LMO1: variants seen among roughly 807,000 people sequenced by gnomAD.
LMO1 encodes rhombotin-1.
Under a neutral mutation model 18.0 loss-of-function variants are expected in LMO1, and 10 were observed. That is an observed-to-expected ratio of 0.55 (90% CI 0.34 to 0.94). The LOEUF (loss-of-function observed/expected upper bound fraction) is 0.94. Ranked by LOEUF, LMO1 falls within the 40% of genes least tolerant of loss-of-function variation. The pLI, the probability that LMO1 is intolerant of heterozygous loss-of-function variation, is 0.02. For missense variants in LMO1, 183 were observed against 205.7 expected (o/e 0.89, Z 0.68); for synonymous variants, 77 against 77.9 (o/e 0.99, Z 0.06).
chr11:8,236,366 G>A (rs994446792), intron 1 of LMO1, among the ~76,000 whole-genome samples: 9 of 150,402 alleles, frequency 6.0e-5, no homozygotes, highest in Non-Finnish European at 1.2e-4. Context: ...AATTTTTGGG[G>A]GGAGGAATTT....
chr11:8,235,807 C>T (rs536697925), intron 1 of LMO1, among the ~76,000 whole-genome samples: 11 of 152,210 alleles, frequency 7.2e-5, no homozygotes, highest in East Asian at 3.9e-4. Context: ...TACTCATTTC[C>T]GAGTCACCAT....
Position 8,230,423 on chromosome 11 carries a change from A to G in LMO1, c.107T>C (p.Leu36Pro). 1 of 1,614,102 alleles carries G rather than the reference A, an allele frequency of 6.2e-7. No individual in the cohort carries two copies. Among genetic ancestry groups the G allele is most frequent in the Non-Finnish European group, 8.5e-7 (1 of 1,179,958 alleles). Residue 36 changes from leucine (L) to proline (P), a missense_variant, in exon 2 of 4, where the codon CTG (leucine) becomes CCG (proline). Leu to Pro is a moderately conservative substitution (Grantham distance 98, BLOSUM62 -3). Transcript: ENST00000335790. ...GCNRKIKDRY[L>P]LKALDKYWHE... Reference sequence around the variant, plus strand: ...CCAGTACTTGTCCAATGCCTTCAGCAGATAGCGGTCCTTGATCTTGCGGTT... The same window carrying G: ...CCAGTACTTGTCCAATGCCTTCAGCGGATAGCGGTCCTTGATCTTGCGGTT...
intron 1 of LMO1, among the ~76,000 whole-genome samples, chr11:8,257,547 C>A (rs1036682302): frequency 6.6e-6 from 1 of 152,246 alleles, no homozygotes; most frequent in Admixed American, 6.5e-5. Flanking sequence ...TTTCTACCAC[C>A]TAGCCTCATC....
chr11:8,227,049 G>T lies in LMO1; in HGVS notation c.291C>A (p.Ala97=), dbSNP rs1467856890. 1.2e-6 allele frequency: 2 copies of T among 1,613,852 alleles called. No individual in the cohort carries two copies. The highest frequency in any genetic ancestry group is 1.1e-5 in the South Asian group (1 of 91,086). Reference sequence around the variant, plus strand: ...CCCGGGCCCGCATCACCATCTCGAAGGCTGGGATCAGCTTGCTGCAAGCAG... The same window carrying T: ...CCCGGGCCCGCATCACCATCTCGAATGCTGGGATCAGCTTGCTGCAAGCAG... ...NCAACSKLIP[A]FEMVMRARDN... Residue 97 remains alanine (A), a synonymous_variant, in exon 3 of 4, where the codon GCC becomes GCA. Transcript: ENST00000335790.
In LMO1 at chr11:8,256,929, G is replaced by A. The variant is rs549381330; in HGVS notation, c.25+6409C>T. Among the ~76,000 whole-genome samples, 5 of 152,354 alleles carry A rather than the reference G, an allele frequency of 3.3e-5. No homozygotes were observed. In the South Asian group the frequency reaches 1.0e-3, roughly 32 times the overall value. ...AGACTGGTTGTAATGAGCACCACAAGAAAGATAGCAGGTGAGATGAGAATG... is the reference window on the plus strand; with the variant it reads ...AGACTGGTTGTAATGAGCACCACAAAAAAGATAGCAGGTGAGATGAGAATG... On this transcript the variant is annotated intron_variant, in intron 1 of 3. Transcript: ENST00000335790.
At chr11:8,267,975 C>A (rs1027684427), upstream of LMO1, among the ~76,000 whole-genome samples, 1 of 152,240 alleles carries the variant, frequency 6.6e-6, no homozygotes, top group Admixed American at 6.5e-5. Flanking sequence ...CTGTGGGCAC[C>A]CCCACCACCC....
At chr11:8,253,254 G>C (rs1035625637) in intron 1 of LMO1, among the ~76,000 whole-genome samples, 1 of 152,202 alleles carries the variant, frequency 6.6e-6, no homozygotes, top group African/African-American at 2.4e-5. Flanking sequence ...GGAACTCCAG[G>C]CCTGTCTGGA....
chr11:8,249,560 A>T (rs1846953219), intron 1 of LMO1, among the ~76,000 whole-genome samples: 1 of 152,220 alleles, frequency 6.6e-6, no homozygotes, highest in Non-Finnish European at 1.5e-5. Flanking sequence ...TCATACCCCG[A>T]ACCTCAGCAT....
At position 8,224,724 on chromosome 11, in the gene LMO1, A is replaced by G. The variant is rs754714321; in HGVS notation, c.366-3T>C. On this transcript the variant is annotated splice_polypyrimidine_tract_variant and splice_region_variant and intron_variant, in intron 3 of 3. Coordinates refer to ENST00000335790, the MANE Select transcript of LMO1 (RefSeq NM_002315.3). The stretch of plus-strand genomic sequence containing the variant: ...AGAATTTGTCTCCCACACAAAATCT[A>G]GAAAATCCAAGCGAGAGAGAGAAGC... The G allele has an allele frequency of 6.3e-7, 1 of 1,583,614 alleles. No homozygotes were observed. Among genetic ancestry groups the G allele is most frequent in the East Asian group, 2.3e-5 (1 of 44,122 alleles).
intron 2 of LMO1, among the ~76,000 whole-genome samples, chr11:8,227,778 G>T (rs892435495): frequency 3.3e-5 from 5 of 152,212 alleles, no homozygotes; most frequent in Non-Finnish European, 5.9e-5. Flanking sequence ...TCCAGAAGGC[G>T]TGCTCTAAAC....
At chr11:8,225,259 A>G (rs1361934313) in intron 3 of LMO1, among the ~76,000 whole-genome samples, 1 of 151,842 alleles carries the variant, frequency 6.6e-6, no homozygotes, top group Non-Finnish European at 1.5e-5. Context: ...TAAAAATACA[A>G]AAAAATTTAG....
At chr11:8,238,098 A>T (rs1197153986) in intron 1 of LMO1, among the ~76,000 whole-genome samples, 1 of 152,232 alleles carries the variant, frequency 6.6e-6, no homozygotes, top group East Asian at 1.9e-4. Flanking sequence ...GTCCATCAAA[A>T]CAGATGCACA....
intron 1 of LMO1, among the ~76,000 whole-genome samples, chr11:8,253,227 C>T (rs889788031): frequency 6.6e-6 from 1 of 152,206 alleles, no homozygotes; most frequent in Non-Finnish European, 1.5e-5. Context: ...TTCCAAAGAG[C>T]AATCCTCCCA....
At chr11:8,236,406 A>G (rs1476038095) in intron 1 of LMO1, among the ~76,000 whole-genome samples, 1 of 150,562 alleles carries the variant, frequency 6.6e-6, no homozygotes, top group African/African-American at 2.5e-5. Flanking sequence ...GGTCTCAACT[A>G]TGTTGCCCAG....
intron 1 of LMO1, among the ~76,000 whole-genome samples, chr11:8,236,257 T>C (rs6578945): frequency 0.082 from 12,362 of 151,396 alleles, 894 homozygotes; most frequent in African/African-American, 0.19. Flanking sequence ...AGTGATGTGG[T>C]CACAGCTCAC....
intron 1 of LMO1, among the ~76,000 whole-genome samples, chr11:8,249,965 A>C (rs1353670033): frequency 2.0e-5 from 3 of 152,190 alleles, no homozygotes; most frequent in African/African-American, 7.2e-5. Context: ...AGTAACTCTT[A>C]ATGAGCTTCA....
intron 3 of LMO1, among the ~76,000 whole-genome samples, chr11:8,225,794 G>A (rs1407697945): frequency 6.6e-6 from 1 of 152,224 alleles, no homozygotes; most frequent in Non-Finnish European, 1.5e-5. Flanking sequence ...CCTAACAGCA[G>A]GTCCGGCCAG....
intron 1 of LMO1, among the ~76,000 whole-genome samples, chr11:8,239,739 G>A (rs1340605745): frequency 3.9e-5 from 6 of 152,164 alleles, no homozygotes; most frequent in African/African-American, 1.4e-4. Flanking sequence ...CTGGTTCAGG[G>A]TGAAGTCCAG....
chr11:8,251,220 C>A (rs1440874609), intron 1 of LMO1, among the ~76,000 whole-genome samples: 3 of 152,118 alleles, frequency 2.0e-5, no homozygotes, highest in African/African-American at 4.8e-5. Flanking sequence ...AAACCAAGAC[C>A]CAGAAAGGGG....
Sources: allele counts gnomAD v4.1 joint callset (sites outside exome capture counted in the v4.1 genomes callset), GRCh38; gene constraint gnomAD v4.1.1; transcripts MANE v1.5; gene names NCBI Gene and HGNC (gene_info 2026-07-23, HGNC 2026-07-21).